Variants in ETHE1 observed in about 807,000 individuals in gnomAD.
ETHE1 encodes the protein ETHE1 persulfide dioxygenase.
ETHE1 carries 16 observed loss-of-function variants against 25.7 expected under a neutral mutation model. The observed-to-expected ratio is 0.62, with a 90% CI of 0.42 to 0.95. The LOEUF (loss-of-function observed/expected upper bound fraction) is 0.95. Among genes scored for constraint, ETHE1 ranks in the 40% least tolerant of loss-of-function variants. The pLI, the probability that ETHE1 is intolerant of heterozygous loss-of-function variation, is 0.00. For synonymous variants in ETHE1, 139 were observed against 135.9 expected (o/e 1.02, Z -0.16); for missense variants, 300 against 333.6 (o/e 0.90, Z 0.79).
intron 3 of ETHE1, among the ~76,000 whole-genome samples, chr19:43,520,544 C>T (rs1972119166): frequency 6.6e-6 from 1 of 151,942 alleles, no homozygotes; most frequent in African/African-American, 2.4e-5. Flanking sequence ...TTACAAAAAA[C>T]ACAAAAACTA....
chr19:43,522,193 A>C (rs895710064), intron 3 of ETHE1, among the ~76,000 whole-genome samples: 2 of 152,206 alleles, frequency 1.3e-5, no homozygotes, highest in African/African-American at 4.8e-5. Context: ...AGGCCGAGGC[A>C]GGAGGGTTGC....
At chr19:43,513,631 A>G (rs932614987) in intron 3 of ETHE1, among the ~76,000 whole-genome samples, 1 of 152,022 alleles carries the variant, frequency 6.6e-6, no homozygotes, top group Non-Finnish European at 1.5e-5. Context: ...ATCCCACTGT[A>G]TCTATGAAAT....
chr19:43,518,629 T>C (rs920954278), intron 3 of ETHE1, among the ~76,000 whole-genome samples: 1 of 151,030 alleles, frequency 6.6e-6, no homozygotes, highest in Non-Finnish European at 1.5e-5. Context: ...TGGGCGTCTG[T>C]AGTCCCAGCT....
At position 43,519,622 on chromosome 19, in the gene ETHE1, T is replaced by G. The variant is rs1972099942; in HGVS notation, c.375+6579A>C. ...AAGAAACATAACCCAGAAGGAATCC[T>G]GTAAAGCATTCAGCTTGCTGGCCTT... On this transcript the variant is annotated intron_variant, in intron 3 of 6. Coordinates refer to ENST00000292147, the MANE Select transcript of ETHE1 (RefSeq NM_014297.5). Among the ~76,000 whole-genome samples, 3 of 152,278 alleles carry G rather than the reference T, an allele frequency of 2.0e-5. No homozygotes were observed. In the South Asian group the frequency reaches 6.2e-4, roughly 32 times the overall value.
intron 3 of ETHE1, among the ~76,000 whole-genome samples, chr19:43,521,167 A>G (rs897554104): frequency 5.3e-5 from 8 of 152,012 alleles, no homozygotes; most frequent in Admixed American, 2.6e-4. Flanking sequence ...CCCCATCTCT[A>G]ATAAAAACAT....
chr19:43,510,672 G>A (rs1010291534), intron 4 of ETHE1, among the ~76,000 whole-genome samples: 16 of 150,388 alleles, frequency 1.1e-4, no homozygotes, highest in African/African-American at 3.7e-4. Context: ...TTGTTTCTTA[G>A]AGAGGGAGTC....
chr19:43,517,485 C>CA (rs1972044384), intron 3 of ETHE1, among the ~76,000 whole-genome samples: 1 of 146,200 alleles, frequency 6.8e-6, no homozygotes, highest in Non-Finnish European at 1.5e-5. Flanking sequence ...ACTAAAAATA[C>CA]AAAAATTAGC....
chr19:43,512,060 C>T (rs541565781), intron 3 of ETHE1, among the ~76,000 whole-genome samples: 8 of 152,290 alleles, frequency 5.3e-5, no homozygotes, highest in African/African-American at 1.2e-4. Flanking sequence ...GCTCCTCCTT[C>T]GCCTTCCACC....
intron 3 of ETHE1, among the ~76,000 whole-genome samples, chr19:43,514,222 T>A (rs1599995546): frequency 6.6e-6 from 1 of 152,092 alleles, no homozygotes; most frequent in Non-Finnish European, 1.5e-5. Flanking sequence ...CCATGGGTTG[T>A]GGGAGGGAGC....
intron 3 of ETHE1, 79 bp from the exon 4 acceptor site, chr19:43,511,645 C>G: frequency 6.6e-7 from 1 of 1,522,918 alleles, no homozygotes; most frequent in Admixed American, 1.7e-5. Flanking sequence ...CCCACCCTAC[C>G]CCAGGGTCTT....
chr19:43,512,827 C>T (rs940971301), intron 3 of ETHE1, among the ~76,000 whole-genome samples: 1 of 152,190 alleles, frequency 6.6e-6, no homozygotes, highest in Non-Finnish European at 1.5e-5. Flanking sequence ...TGTTAATCAC[C>T]AAGACAATGG....
At chr19:43,527,005 C>A (rs1351487630) in intron 1 of ETHE1, 92 bp downstream of exon 1, 1 of 1,537,042 alleles carries the variant, frequency 6.5e-7, no homozygotes, top group Non-Finnish European at 8.7e-7. Context: ...GCGTGGGTCC[C>A]CCCGGATCTC....
chr19:43,521,737 T>C (rs910273089), intron 3 of ETHE1, among the ~76,000 whole-genome samples: 1 of 152,118 alleles, frequency 6.6e-6, no homozygotes, highest in African/African-American at 2.4e-5. Flanking sequence ...GTCCCATCTT[T>C]TATGTAAGAT....
intron 4 of ETHE1, among the ~76,000 whole-genome samples, chr19:43,510,944 TC>T (rs1001748531): frequency 6.6e-6 from 1 of 152,062 alleles, no homozygotes; most frequent in African/African-American, 2.4e-5. Flanking sequence ...TCCTGTCAGA[TC>T]CGCAGCAGCA....
intron 6 of ETHE1, among the ~76,000 whole-genome samples, chr19:43,507,262 T>C (rs1294209728): frequency 0.022 from 182 of 8,164 alleles, no homozygotes; most frequent in Admixed American, 0.032. Flanking sequence ...TCCCTCAGAC[T>C]CAGGAGTTCA....
chr19:43,526,642 G>C lies in ETHE1; in HGVS notation c.99C>G (p.Ser33Arg). The C allele has an allele frequency of 6.2e-7, 1 of 1,613,900 alleles. No individual in the cohort carries two copies. The highest frequency in any genetic ancestry group is 8.5e-7 in the Non-Finnish European group (1 of 1,180,024). Reference sequence around the variant, plus strand: ...CACCCAGCAGGTACGTGAAGGTGCAGCTCACAGGCTCGAACATCTGGGAAC... The same window carrying C: ...CACCCAGCAGGTACGTGAAGGTGCACCTCACAGGCTCGAACATCTGGGAAC... ...ILLRQMFEPV[S>R]CTFTYLLGDR... Residue 33 changes from serine (S) to arginine (R), a missense_variant, in exon 2 of 7, where the codon AGC becomes AGG. Physicochemically the swap from Ser to Arg is moderately radical, Grantham distance 110. Coordinates refer to ENST00000292147, the MANE Select transcript of ETHE1 (RefSeq NM_014297.5).
Position 43,508,023 on chromosome 19 carries a change from C to T in ETHE1, c.633G>A (p.Leu211=), listed in dbSNP as rs2145977357. 4 of 1,614,074 alleles carry T rather than the reference C, an allele frequency of 2.5e-6. No individual in the cohort carries two copies. The highest frequency in any genetic ancestry group is 3.4e-6 in the Non-Finnish European group (4 of 1,180,022). The change falls in exon 6 of 7, where the codon CTG becomes CTA. Residue 211 remains leucine, a synonymous_variant. Transcript: ENST00000292147. ...CACAGCTGAGGGTGAGCCGAGGGTT[C>T]AGAGTCCTCTCCTCCTCCACGGTGG... ...TVSTVEEERT[L]NPRLTLSCEE...
At chr19:43,523,129 G>A (rs997735543) in intron 3 of ETHE1, among the ~76,000 whole-genome samples, 8 of 152,316 alleles carry the variant, frequency 5.3e-5, no homozygotes, top group South Asian at 2.1e-4. Context: ...TGCCTTAGGA[G>A]GGCGGTCATT....
At chr19:43,520,973 C>A (rs1006377295) in intron 3 of ETHE1, among the ~76,000 whole-genome samples, 3 of 152,040 alleles carry the variant, frequency 2.0e-5, no homozygotes, top group African/African-American at 4.8e-5. Context: ...TAACAGCAAA[C>A]CTAACTTTCT....
Sources: allele counts gnomAD v4.1 joint callset (sites outside exome capture counted in the v4.1 genomes callset), GRCh38; gene constraint gnomAD v4.1.1; transcripts MANE v1.5; gene names NCBI Gene and HGNC (gene_info 2026-07-23, HGNC 2026-07-21).